Variants in FANCC observed in about 807,000 individuals in gnomAD.
The protein encoded by FANCC is FA complementation group C.
FANCC carries 55 observed loss-of-function variants against 71.3 expected under a neutral mutation model. The ratio of observed to expected loss-of-function variants is 0.77; its 90% CI spans 0.62 to 0.97. The LOEUF (loss-of-function observed/expected upper bound fraction) is 0.97, where lower values mean the gene tolerates loss of function less well. Among genes scored for constraint, FANCC ranks in the 50% least tolerant of loss-of-function variants. The pLI is 0.00. For synonymous variants in FANCC, 275 were observed against 244.9 expected, an observed-to-expected ratio of 1.12 and a Z score of -1.15; for missense variants, 678 against 670.9, an observed-to-expected ratio of 1.01 and a Z score of -0.12.
At chr9:95,180,522 T>C (rs1456356055) in intron 4 of FANCC, among the ~76,000 whole-genome samples, 1 of 151,872 alleles carries the variant, frequency 6.6e-6, no homozygotes, top group East Asian at 1.9e-4. Flanking sequence ...TTATTTTTTG[T>C]AGAGGTAGGT....
intron 6 of FANCC, among the ~76,000 whole-genome samples, chr9:95,165,141 T>G (rs1830990622): frequency 6.6e-6 from 1 of 151,960 alleles, no homozygotes; most frequent in Admixed American, 6.5e-5. Flanking sequence ...TTATTCCTGA[T>G]TTTTGCTATT....
chr9:95,101,846 G>A lies in FANCC; in HGVS notation c.1538C>T (p.Ala513Val). The A allele has an allele frequency of 3.1e-6, 5 of 1,613,948 alleles. No homozygotes were observed. Among genetic ancestry groups the A allele is most frequent in the Non-Finnish European group, 4.2e-6 (5 of 1,179,946 alleles). ...TIAWDVITLM[A>V]HTAEITHEII... ...CTCGTGAGTTATCTCAGCAGTGTGA[G>A]CCATCTGCAATCAGGACAGAAGAGA... Residue 513 changes from alanine (A) to valine (V), a missense_variant, in exon 15 of 15, where the codon GCT becomes GTT. Coordinates refer to ENST00000289081, the MANE Select transcript of FANCC (RefSeq NM_000136.3).
intron 4 of FANCC, among the ~76,000 whole-genome samples, chr9:95,174,061 C>G (rs900885555): frequency 6.6e-5 from 10 of 152,178 alleles, no homozygotes. Flanking sequence ...ACATCACTGT[C>G]TTAGTCTGTG....
intron 2 of FANCC, 83 bp downstream of exon 2, chr9:95,249,044 T>C: frequency 6.8e-7 from 1 of 1,468,214 alleles, no homozygotes; most frequent in Non-Finnish European, 9.5e-7. Flanking sequence ...AAGTCCCGAT[T>C]CTGGGTGGCA....
intron 3 of FANCC, 124 bp from the exon 4 acceptor site, chr9:95,240,867 A>G: frequency 3.0e-6 from 2 of 672,842 alleles, no homozygotes; most frequent in East Asian, 2.7e-5. Context: ...ATCCCTGAAT[A>G]TAACATTTGC....
At chr9:95,295,357 AAAAAC>A (rs879514379) in intron 1 of FANCC, among the ~76,000 whole-genome samples, 56 of 152,246 alleles carry the variant, frequency 3.7e-4, no homozygotes, top group Admixed American at 1.6e-3. Flanking sequence ...AAACAAAACA[AAAAAC>A]AAAACAAAAC....
chr9:95,251,178 T>A (rs555250399), intron 1 of FANCC, among the ~76,000 whole-genome samples: 116 of 152,360 alleles, frequency 7.6e-4, no homozygotes, highest in African/African-American at 2.7e-3. Flanking sequence ...CTTCCTAGAA[T>A]GCAGCATATG....
chr9:95,153,088 CTAA>C (rs369100250), intron 6 of FANCC, among the ~76,000 whole-genome samples: 76 of 152,356 alleles, frequency 5.0e-4, no homozygotes, highest in African/African-American at 1.7e-3. Context: ...TTAGCTCCCA[CTAA>C]TAAGTGAGAA....
At chr9:95,256,797 G>A (rs1199814559) in intron 1 of FANCC, among the ~76,000 whole-genome samples, 2 of 151,920 alleles carry the variant, frequency 1.3e-5, no homozygotes, top group South Asian at 2.1e-4. Flanking sequence ...CCCATCTCAC[G>A]TGCAAAGACA....
At chr9:95,117,723 A>ATTTT (rs33935721) in intron 10 of FANCC, among the ~76,000 whole-genome samples, 2 of 136,822 alleles carry the variant, frequency 1.5e-5, no homozygotes, top group African/African-American at 5.4e-5. Flanking sequence ...GTATTTCAGC[A>ATTTT]TTTTTTTTTT....
chr9:95,128,036 A>G (rs544017541), intron 8 of FANCC, among the ~76,000 whole-genome samples: 24 of 152,362 alleles, frequency 1.6e-4, no homozygotes, highest in African/African-American at 5.8e-4. Flanking sequence ...TAAATTCATT[A>G]TCTATGCAAG....
At chr9:95,300,644 G>A (rs983902761) in intron 1 of FANCC, among the ~76,000 whole-genome samples, 14 of 151,912 alleles carry the variant, frequency 9.2e-5, no homozygotes, top group Non-Finnish European at 1.5e-4. Flanking sequence ...TAGTAGAGAC[G>A]GAGTTTCTCT....
intron 4 of FANCC, among the ~76,000 whole-genome samples, chr9:95,226,125 A>G (rs1309226428): frequency 2.6e-5 from 4 of 152,234 alleles, no homozygotes; most frequent in Admixed American, 2.6e-4. Context: ...AAATAAAACC[A>G]TGATATTTAA....
chr9:95,267,181 C>T (rs1014123194), intron 1 of FANCC, among the ~76,000 whole-genome samples: 4 of 152,082 alleles, frequency 2.6e-5, no homozygotes, highest in Non-Finnish European at 4.4e-5. Flanking sequence ...GAGGCACAAA[C>T]GACAGAGTGA....
rs990410587 is a variant in FANCC at position 95,231,398 on chromosome 9, T to G, written c.345+9251A>C. Among the ~76,000 whole-genome samples, 3 of 152,248 alleles carry G rather than the reference T, an allele frequency of 2.0e-5. No individual in the cohort carries two copies. In the South Asian group the frequency reaches 6.2e-4, roughly 32 times the overall value. On this transcript the variant is annotated intron_variant, in intron 4 of 14. Coordinates refer to ENST00000289081, the MANE Select transcript of FANCC (RefSeq NM_000136.3). Reference sequence around the variant, plus strand: ...CAACCAGCCTGCCCACTGACTGAGGTGGAGCCTCAGGAAGTTCACAACATT... The same window carrying G: ...CAACCAGCCTGCCCACTGACTGAGGGGGAGCCTCAGGAAGTTCACAACATT...
chr9:95,268,042 G>A (rs1832490739), intron 1 of FANCC, among the ~76,000 whole-genome samples: 1 of 152,192 alleles, frequency 6.6e-6, no homozygotes, highest in Non-Finnish European at 1.5e-5. Context: ...CGACATCACA[G>A]GTGACTGAAT....
intron 1 of FANCC, among the ~76,000 whole-genome samples, chr9:95,261,195 G>T (rs2136168955): frequency 6.6e-6 from 1 of 152,298 alleles, no homozygotes; most frequent in East Asian, 1.9e-4. Context: ...TTGAAAAATG[G>T]GGCTGATTCT....
intron 1 of FANCC, among the ~76,000 whole-genome samples, chr9:95,256,901 A>G (rs910436080): frequency 2.0e-5 from 3 of 152,242 alleles, no homozygotes; most frequent in African/African-American, 7.2e-5. Context: ...CTCTGATGAA[A>G]CAGACTTTAA....
intron 4 of FANCC, among the ~76,000 whole-genome samples, chr9:95,217,720 G>A (rs1371585937): frequency 6.6e-6 from 1 of 151,936 alleles, no homozygotes; most frequent in Non-Finnish European, 1.5e-5. Flanking sequence ...GGGTAAGAAA[G>A]ATCAAATTAA....
Sources: gnomAD v4.1 joint callset for allele counts (sites outside exome capture counted in the v4.1 genomes callset) on GRCh38, gnomAD v4.1.1 for gene constraint, MANE v1.5 for transcripts, NCBI Gene and HGNC (gene_info 2026-07-23, HGNC 2026-07-21) for gene names.